PSMA5: variants seen among roughly 807,000 people sequenced by gnomAD.
PSMA5 encodes the protein proteasome 20S subunit alpha 5, also known as proteasome subunit alpha type-5.
PSMA5 carries 3 observed loss-of-function variants against 34.5 expected under a neutral mutation model. The observed-to-expected ratio is 0.09, with a 90% CI of 0.04 to 0.22. PSMA5 has a LOEUF of 0.22. Among genes scored for constraint, PSMA5 ranks in the 10% least tolerant of loss-of-function variants. The pLI, the probability that PSMA5 is intolerant of heterozygous loss-of-function variation, is 1.00. For synonymous variants in PSMA5, 88 were observed against 95.8 expected (o/e 0.92, Z 0.47); for missense variants, 120 against 286.1 (o/e 0.42, Z 4.19).
chr1:109,413,742 T>C (rs889633649), intron 3 of PSMA5, among the ~76,000 whole-genome samples: 7 of 152,206 alleles, frequency 4.6e-5, no homozygotes, highest in South Asian at 2.1e-4. Flanking sequence ...CCTTAATATA[T>C]CTACTTGGAC....
At chr1:109,404,470 C>G (rs1266123508) in intron 8 of PSMA5, among the ~76,000 whole-genome samples, 2 of 152,098 alleles carry the variant, frequency 1.3e-5, no homozygotes, top group Admixed American at 6.6e-5. Flanking sequence ...CTAGCCTTCT[C>G]AAAACATTAC....
intron 8 of PSMA5, among the ~76,000 whole-genome samples, chr1:109,406,943 T>C (rs1288315819): frequency 2.0e-5 from 3 of 152,192 alleles, no homozygotes; most frequent in African/African-American, 7.2e-5. Context: ...AGGAGGTACA[T>C]ATAAAGATTT....
rs369864584 is a variant in PSMA5 at position 109,414,171 on chromosome 1, G to A, written c.224-1036C>T. On this transcript the variant is annotated intron_variant, in intron 3 of 8. Transcript: ENST00000271308. ...CATGGTATTTTATATTTTACACCACGATGGCTTCAGTCATTTCTATTCCCC... is the reference window on the plus strand; with the variant it reads ...CATGGTATTTTATATTTTACACCACAATGGCTTCAGTCATTTCTATTCCCC... 9.2e-5 allele frequency among the ~76,000 whole-genome samples: 14 copies of A among 152,320 alleles called. No homozygotes were observed. In the East Asian group the frequency reaches 1.9e-3, roughly 21 times the overall value.
chr1:109,408,227 C>T (rs1653859792), intron 8 of PSMA5, among the ~76,000 whole-genome samples: 1 of 152,176 alleles, frequency 6.6e-6, no homozygotes, highest in African/African-American at 2.4e-5. Flanking sequence ...CGTCCCCCAC[C>T]ATCTTATATA....
intron 2 of PSMA5, among the ~76,000 whole-genome samples, 164 bp from the exon 3 acceptor site, chr1:109,415,527 T>C (rs1293414200): frequency 6.6e-6 from 1 of 152,240 alleles, no homozygotes; most frequent in Non-Finnish European, 1.5e-5. Flanking sequence ...ATTAATATAC[T>C]ATTCCTGTCA....
rs377337785 is a variant in PSMA5 at position 109,411,939 on chromosome 1, G to T, written c.400-4C>A. 58 of 1,611,334 alleles carry T rather than the reference G, an allele frequency of 3.6e-5. No individual in the cohort carries two copies. Among genetic ancestry groups the T allele is most frequent in the Non-Finnish European group, 4.6e-5 (54 of 1,177,632 alleles). On this transcript the variant is annotated splice_region_variant and splice_polypyrimidine_tract_variant and intron_variant, in intron 5 of 8. Transcript: ENST00000271308. ...ATGCTACTCCAAAGGGACGAGACTA[G>T]AACCAAAAAATAAGAGATATTAAGA...
At chr1:109,415,196 C>A (rs373935462) in intron 3 of PSMA5, 41 bp downstream of exon 3, 2 of 1,595,774 alleles carry the variant, frequency 1.3e-6, no homozygotes, top group African/African-American at 1.3e-5. Flanking sequence ...ACTAATTAAC[C>A]CAGACCAGAT....
chr1:109,414,503 C>G (rs1189709141), intron 3 of PSMA5, among the ~76,000 whole-genome samples: 1 of 152,204 alleles, frequency 6.6e-6, no homozygotes, highest in African/African-American at 2.4e-5. Flanking sequence ...ATCCTGGTAT[C>G]TAGCATAAGG....
At chr1:109,416,487 C>T (rs1053366718) in intron 2 of PSMA5, among the ~76,000 whole-genome samples, 2 of 152,184 alleles carry the variant, frequency 1.3e-5, no homozygotes, top group African/African-American at 4.8e-5. Flanking sequence ...AATCCAAATT[C>T]CACTCATCAA....
chr1:109,414,125 G>C (rs1038244168), intron 3 of PSMA5, among the ~76,000 whole-genome samples: 4 of 152,188 alleles, frequency 2.6e-5, no homozygotes, highest in Non-Finnish European at 5.9e-5. Flanking sequence ...TCATGGCCCA[G>C]GCCTACAAAA....
rs905474005 is a variant in PSMA5, at chr1:109,421,845, T to G, written c.96+15A>C. 4 of 1,552,532 alleles carry G rather than the reference T, an allele frequency of 2.6e-6. No individual in the cohort carries two copies. Among genetic ancestry groups the G allele is most frequent in the Non-Finnish European group, 3.5e-6 (4 of 1,153,952 alleles). ...AGCCATGAAATTTCAGGACCTATGCTACTTGCTACTATACCTTGATAGCCT... is the reference window on the plus strand; with the variant it reads ...AGCCATGAAATTTCAGGACCTATGCGACTTGCTACTATACCTTGATAGCCT... On this transcript the variant is annotated intron_variant, in intron 2 of 8. Coordinates refer to ENST00000271308, the MANE Select transcript of PSMA5 (RefSeq NM_002790.4).
At chr1:109,421,993 T>A in intron 1 of PSMA5, 67 bp from the exon 2 acceptor site, 1 of 981,454 alleles carries the variant, frequency 1.0e-6, no homozygotes, top group Admixed American at 3.8e-5. Flanking sequence ...TGAATTCAAG[T>A]TCCTTGACAA....
At chr1:109,410,647 C>T (rs1653951691) in intron 7 of PSMA5, among the ~76,000 whole-genome samples, 2 of 152,230 alleles carry the variant, frequency 1.3e-5, no homozygotes, top group Admixed American at 1.3e-4. Flanking sequence ...TATTGTGGTA[C>T]ATCCATACCA....
At chr1:109,408,368 T>A (rs1653866967) in intron 8 of PSMA5, among the ~76,000 whole-genome samples, 1 of 152,190 alleles carries the variant, frequency 6.6e-6, no homozygotes, top group Admixed American at 6.5e-5. Context: ...TTTCCAGACA[T>A]CACCTCTTCC....
intron 1 of PSMA5, among the ~76,000 whole-genome samples, chr1:109,422,853 A>C (rs912075424): frequency 2.6e-5 from 4 of 152,248 alleles, no homozygotes; most frequent in Admixed American, 2.6e-4. Flanking sequence ...ATCTTAACAG[A>C]CTGAGATCCA....
At chr1:109,421,462 C>CAAAAAAAAAA (rs947075141) in intron 2 of PSMA5, among the ~76,000 whole-genome samples, 1 of 73,710 alleles carries the variant, frequency 1.4e-5, no homozygotes, top group Admixed American at 1.6e-4. Flanking sequence ...GACTCCATCT[C>CAAAAAAAAAA]AAAAAAAAAA....
At chr1:109,402,167 G>GCATCACCAACACAGC in intron 8 of PSMA5, 77 bp from the exon 9 acceptor site, 3 of 1,059,816 alleles carry the variant, frequency 2.8e-6, no homozygotes, top group Non-Finnish European at 4.2e-6. Flanking sequence ...AGGAGAAGCT[G>GCATCACCAACACAGC]TGTTGGTGAT....
At chr1:109,411,726 A>C in intron 6 of PSMA5, 151 bp downstream of exon 6, 33 of 733,724 alleles carry the variant, frequency 4.5e-5, no homozygotes, top group Non-Finnish European at 6.8e-5. Context: ...CCCAGGCTCA[A>C]GAGATCCTCC....
intron 8 of PSMA5, among the ~76,000 whole-genome samples, chr1:109,402,702 G>A (rs1403976612): frequency 6.6e-6 from 1 of 151,888 alleles, no homozygotes; most frequent in Non-Finnish European, 1.5e-5. Flanking sequence ...AGTTTTTTTT[G>A]TTTGTTTTTG....
Sources: allele counts gnomAD v4.1 joint callset (sites outside exome capture counted in the v4.1 genomes callset), GRCh38; gene constraint gnomAD v4.1.1; transcripts MANE v1.5; gene names NCBI Gene and HGNC (gene_info 2026-07-23, HGNC 2026-07-21).